The following BRINP2 variants were observed in gnomAD, a reference collection of about 807,000 sequenced individuals.
BRINP2 encodes the protein BMP/retinoic acid-inducible neural-specific protein 2.
BRINP2 carries 21 observed loss-of-function variants against 69.2 expected under a neutral mutation model. The ratio of observed to expected loss-of-function variants is 0.30; its 90% CI spans 0.22 to 0.44. The LOEUF (loss-of-function observed/expected upper bound fraction) is 0.44. Ranked by LOEUF, BRINP2 falls within the 20% of genes least tolerant of loss-of-function variation. The probability of loss-of-function intolerance (pLI) is 1.00; values close to 1 mark genes in which losing one functional copy is unlikely to be tolerated. For missense variants in BRINP2, 877 were observed against 986.0 expected (o/e 0.89, Z 1.48); for synonymous variants, 380 against 394.1 (o/e 0.96, Z 0.42).
At position 177,280,566 on chromosome 1, in the gene BRINP2, C is replaced by T; in HGVS notation, c.1390C>T (p.Pro464Ser). The change falls in exon 8 of 8, where the codon CCC becomes TCC. Residue 464 changes from proline (P) to serine (S), a missense_variant. Physicochemically the swap from Pro to Ser is moderately conservative, Grantham distance 74. Around this residue, in one of 3 missense-constraint regions of BRINP2, gnomAD observed 566 missense variants for 625.2 expected, o/e 0.91. Coordinates refer to ENST00000361539, the MANE Select transcript of BRINP2 (RefSeq NM_021165.4). The part of the protein sequence containing the change: ...GPIPCALGEG[P>S]ACAHCAPDNS... ...CATCCCATGTGCCTTGGGCGAAGGGCCCGCGTGTGCCCACTGTGCTCCAGA... is the reference window on the plus strand; with the variant it reads ...CATCCCATGTGCCTTGGGCGAAGGGTCCGCGTGTGCCCACTGTGCTCCAGA... 6.2e-7 allele frequency: 1 copy of T among 1,614,158 alleles called. No homozygotes were observed. Among genetic ancestry groups the T allele is most frequent in the East Asian group, 2.2e-5 (1 of 44,864 alleles).
chr1:177,209,613 G>A lies in BRINP2; in HGVS notation c.-76-20188G>A, dbSNP rs191362778. 8.5e-5 allele frequency among the ~76,000 whole-genome samples: 13 copies of A among 152,260 alleles called. No homozygotes were observed. In the East Asian group the frequency reaches 9.7e-4, roughly 11 times the overall value. On this transcript the variant is annotated intron_variant, in intron 1 of 7. Coordinates refer to ENST00000361539, the MANE Select transcript of BRINP2 (RefSeq NM_021165.4). ...TTTGTTTAGACTAAACCCCAGCTCC[G>A]CCTCACGCAAGTGGAGCAACCAAGT...
rs1651683901 is a variant in BRINP2 at position 177,281,113 on chromosome 1, T to A, written c.1937T>A (p.Leu646Gln). The change falls in exon 8 of 8, where the codon CTA (leucine) becomes CAA (glutamine). Residue 646 changes from leucine to glutamine, a missense_variant. Physicochemically the swap from Leu to Gln is moderately radical, Grantham distance 113. Transcript: ENST00000361539. ...TTCTTTGAGACAGTTCATGTTTACC[T>A]ACGGAGCCGAATCAAGTCCCTGGAT... ...KTFFETVHVYLRSRIKSLDDS... is the reference protein window; with the variant it reads ...KTFFETVHVYQRSRIKSLDDS... The A allele has an allele frequency of 6.2e-7, 1 of 1,614,082 alleles. No individual in the cohort carries two copies. The highest frequency in any genetic ancestry group is 1.3e-5 in the African/African-American group (1 of 74,938).
intron 1 of BRINP2, among the ~76,000 whole-genome samples, chr1:177,173,722 C>A: frequency 6.6e-6 from 1 of 152,198 alleles, no homozygotes. Context: ...TGTGTCATCA[C>A]CTTCTCCTGA....
At chr1:177,231,156 A>C (rs1352159791) in intron 2 of BRINP2, among the ~76,000 whole-genome samples, 1 of 152,192 alleles carries the variant, frequency 6.6e-6, no homozygotes, top group Non-Finnish European at 1.5e-5. Context: ...AGATTTATCA[A>C]CTTGCATGCC....
At chr1:177,209,089 AACACAGGG>A (rs1649151298) in intron 1 of BRINP2, among the ~76,000 whole-genome samples, 1 of 152,152 alleles carries the variant, frequency 6.6e-6, no homozygotes, top group Admixed American at 6.5e-5. Context: ...TCCGCTCAAC[AACACAGGG>A]TGCCATTCAC....
At position 177,281,110 on chromosome 1, in the gene BRINP2, A is replaced by C; in HGVS notation, c.1934A>C (p.Tyr645Ser). 6.2e-7 allele frequency: 1 copy of C among 1,614,184 alleles called. No individual in the cohort carries two copies. The highest frequency in any genetic ancestry group is 1.1e-5 in the South Asian group (1 of 91,076). ...WKTFFETVHV[Y>S]LRSRIKSLDD... ...ACTTTCTTTGAGACAGTTCATGTTT[A>C]CCTACGGAGCCGAATCAAGTCCCTG... is the stretch of plus-strand genomic sequence containing the variant. Residue 645 changes from tyrosine (Y) to serine (S), a missense_variant, in exon 8 of 8, where the codon TAC becomes TCC. Transcript: ENST00000361539.
chr1:177,173,847 A>C (rs1228639462), intron 1 of BRINP2, among the ~76,000 whole-genome samples: 1 of 152,188 alleles, frequency 6.6e-6, no homozygotes, highest in African/African-American at 2.4e-5. Context: ...GGTAATCTGG[A>C]GGGACTTGAG....
intron 1 of BRINP2, among the ~76,000 whole-genome samples, chr1:177,192,817 T>C (rs1648630251): frequency 6.6e-6 from 1 of 152,230 alleles, no homozygotes; most frequent in African/African-American, 2.4e-5. Flanking sequence ...GCTCTGCCAA[T>C]ATGCAGAAAT....
At chr1:177,246,776 G>A (rs1450578363) in intron 2 of BRINP2, among the ~76,000 whole-genome samples, 2 of 152,160 alleles carry the variant, frequency 1.3e-5, no homozygotes, top group Admixed American at 6.5e-5. Flanking sequence ...ATGGGATTAT[G>A]ATTTTTATTA....
At position 177,266,604 on chromosome 1, in the gene BRINP2, C is replaced by A. The variant is rs144263989; in HGVS notation, c.670-6884C>A. On this transcript the variant is annotated intron_variant, in intron 4 of 7. Coordinates refer to ENST00000361539, the MANE Select transcript of BRINP2 (RefSeq NM_021165.4). ...GAAACCCGGTCTCTACTAAAAATACCAAAAAATTAGCCGGGCGTGGTGGCG... is the reference window on the plus strand; with the variant it reads ...GAAACCCGGTCTCTACTAAAAATACAAAAAAATTAGCCGGGCGTGGTGGCG... Among the ~76,000 whole-genome samples, 45 of 150,174 alleles carry A rather than the reference C, an allele frequency of 3.0e-4. 1 individual carries two copies. Among genetic ancestry groups the A allele is most frequent in the Middle Eastern group, 3.5e-3 (1 of 288 alleles).
chr1:177,257,453 T>A (rs1340725430), intron 4 of BRINP2, 69 bp downstream of exon 4: 11 of 1,415,566 alleles, frequency 7.8e-6, no homozygotes, highest in Non-Finnish European at 1.0e-5. Flanking sequence ...GGCCAGAGCC[T>A]CAACCATCTC....
At chr1:177,187,078 G>A (rs1231456805) in intron 1 of BRINP2, among the ~76,000 whole-genome samples, 1 of 152,122 alleles carries the variant, frequency 6.6e-6, no homozygotes, top group Non-Finnish European at 1.5e-5. Context: ...GGACAAATGA[G>A]GTCTGGCTCT....
chr1:177,281,662 A>T lies in BRINP2; in HGVS notation c.*134A>T. On this transcript the variant is annotated 3_prime_UTR_variant, in exon 8 of 8. Transcript: ENST00000361539. ...TCAGCATCCAGTAGATGGGACCTCG[A>T]GGCTCGAGCTGAAGCAGGCGAGAGA... 1 of 1,217,608 alleles carries T rather than the reference A, an allele frequency of 8.2e-7. No individual in the cohort carries two copies. 75.4% of individuals were successfully genotyped at this position (1,217,608 alleles called of 1,614,324 possible). A position where few individuals can be genotyped will look rare whatever the true frequency, so the allele number is the denominator to read the frequency against.
chr1:177,194,687 CTCTT>C (rs1651215813), intron 1 of BRINP2, among the ~76,000 whole-genome samples: 1 of 152,142 alleles, frequency 6.6e-6, no homozygotes, highest in South Asian at 2.1e-4. Context: ...AGATTTAACT[CTCTT>C]TCCGTACATT....
chr1:177,203,532 A>T (rs558826672), intron 1 of BRINP2, among the ~76,000 whole-genome samples: 1 of 152,268 alleles, frequency 6.6e-6, no homozygotes, highest in Non-Finnish European at 1.5e-5. Flanking sequence ...AAGTAATCCT[A>T]AAGAAAACAA....
intron 2 of BRINP2, among the ~76,000 whole-genome samples, chr1:177,245,744 A>G (rs1650357159): frequency 6.6e-6 from 1 of 152,160 alleles, no homozygotes; most frequent in Non-Finnish European, 1.5e-5. Context: ...CCCTCATTCC[A>G]GTGGGTCTGT....
chr1:177,268,011 G>A (rs368370934), intron 4 of BRINP2, among the ~76,000 whole-genome samples: 18 of 152,116 alleles, frequency 1.2e-4, no homozygotes, highest in African/African-American at 3.9e-4. Flanking sequence ...AAACAAGGAT[G>A]ATTTTGTTTT....
At chr1:177,222,733 A>T (rs1462995535) in intron 1 of BRINP2, among the ~76,000 whole-genome samples, 4 of 152,172 alleles carry the variant, frequency 2.6e-5, no homozygotes, top group African/African-American at 9.7e-5. Flanking sequence ...ACAAACAAAA[A>T]AACAGATGAG....
chr1:177,229,123 A>G (rs1280808586), intron 1 of BRINP2, among the ~76,000 whole-genome samples: 1 of 152,226 alleles, frequency 6.6e-6, no homozygotes, highest in African/African-American at 2.4e-5. Context: ...ATATCTGAGT[A>G]CCCCATTCCA....
Sources: gnomAD v4.1 joint callset for allele counts (sites outside exome capture counted in the v4.1 genomes callset) on GRCh38, gnomAD v4.1.1 for gene constraint, gnomAD v4.1.1 regional missense constraint, MANE v1.5 for transcripts, NCBI Gene and HGNC (gene_info 2026-07-23, HGNC 2026-07-21) for gene names.